DOK5: variants seen among roughly 807,000 people sequenced by gnomAD.
DOK5 encodes the protein downstream of tyrosine kinase 5.
A neutral mutation model predicts 43.3 loss-of-function variants in DOK5; 27 were observed. The ratio of observed to expected loss-of-function variants is 0.62; its 90% CI spans 0.46 to 0.86. The LOEUF (loss-of-function observed/expected upper bound fraction) is 0.86, where lower values mean the gene tolerates loss of function less well. Ranked by LOEUF, DOK5 falls within the 40% of genes least tolerant of loss-of-function variation. The pLI is 0.00. For synonymous variants in DOK5, 146 were observed against 140.1 expected, an observed-to-expected ratio of 1.04 and a Z score of -0.30; for missense variants, 373 against 392.9, an observed-to-expected ratio of 0.95 and a Z score of 0.43.
chr20:54,502,009 G>A (rs1982627696), intron 1 of DOK5, among the ~76,000 whole-genome samples: 1 of 152,120 alleles, frequency 6.6e-6, no homozygotes, highest in Non-Finnish European at 1.5e-5. Context: ...TCAATTATAT[G>A]CCATTGATAA....
At chr20:54,573,407 G>T (rs959014684) in intron 2 of DOK5, among the ~76,000 whole-genome samples, 1 of 152,110 alleles carries the variant, frequency 6.6e-6, no homozygotes, top group African/African-American at 2.4e-5. Flanking sequence ...ATAAAGTTAG[G>T]CGAGGCGCGG....
At chr20:54,566,880 G>A (rs1016913358) in intron 2 of DOK5, among the ~76,000 whole-genome samples, 2 of 152,114 alleles carry the variant, frequency 1.3e-5, no homozygotes, top group Non-Finnish European at 2.9e-5. Context: ...GCCTCCCGAA[G>A]CACTGGGATT....
intron 6 of DOK5, among the ~76,000 whole-genome samples, chr20:54,617,163 G>T (rs1044453085): frequency 6.6e-6 from 1 of 152,136 alleles, no homozygotes; most frequent in Non-Finnish European, 1.5e-5. Flanking sequence ...GAGGGCTACA[G>T]TTTCTTGCTG....
chr20:54,491,000 T>A (rs1982151527), intron 1 of DOK5, among the ~76,000 whole-genome samples: 2 of 152,232 alleles, frequency 1.3e-5, no homozygotes, highest in African/African-American at 4.8e-5. Flanking sequence ...GTCAGTAACG[T>A]TCTTCCATGG....
chr20:54,566,860 T>C (rs1985117569), intron 2 of DOK5, among the ~76,000 whole-genome samples: 1 of 152,258 alleles, frequency 6.6e-6, no homozygotes, highest in Non-Finnish European at 1.5e-5. Flanking sequence ...CAAGGGATCC[T>C]CCCTCCTCAG....
At chr20:54,624,208 C>T (rs1170220658) in intron 6 of DOK5, among the ~76,000 whole-genome samples, 1 of 152,168 alleles carries the variant, frequency 6.6e-6, no homozygotes, top group African/African-American at 2.4e-5. Flanking sequence ...ATGGTGTAGG[C>T]GATTCTGCCC....
intron 1 of DOK5, among the ~76,000 whole-genome samples, chr20:54,553,896 CAAA>C (rs761243905): frequency 1.7e-4 from 14 of 80,160 alleles, no homozygotes; most frequent in Admixed American, 4.2e-4. Context: ...GACTCTGTCT[CAAA>C]AAAAAAAAAA....
chr20:54,543,112 A>G (rs1984220076), intron 1 of DOK5, among the ~76,000 whole-genome samples: 1 of 152,242 alleles, frequency 6.6e-6, no homozygotes, highest in South Asian at 2.1e-4. Context: ...GAATTGTGTT[A>G]AAAGATAATT....
chr20:54,630,741 A>T (rs16999872), intron 6 of DOK5, among the ~76,000 whole-genome samples: 43,383 of 152,182 alleles, frequency 0.29, 6,954 homozygotes, highest in African/African-American at 0.4. Context: ...TGAAGGTAAG[A>T]CTTCTCTGTG....
At chr20:54,561,708 T>G (rs1192701004) in intron 2 of DOK5, among the ~76,000 whole-genome samples, 1 of 152,216 alleles carries the variant, frequency 6.6e-6, no homozygotes, top group South Asian at 2.1e-4. Flanking sequence ...CAGGCTGGAG[T>G]GCAATGGTGC....
chr20:54,620,762 G>A (rs76261299), intron 6 of DOK5, among the ~76,000 whole-genome samples: 564 of 152,154 alleles, frequency 3.7e-3, no homozygotes, highest in African/African-American at 0.013. Context: ...AAATGTTCAC[G>A]GGAGGACTCC....
intron 1 of DOK5, among the ~76,000 whole-genome samples, chr20:54,487,827 C>T (rs1982000667): frequency 1.3e-5 from 2 of 152,048 alleles, no homozygotes; most frequent in Admixed American, 1.3e-4. Context: ...CTTATTTTTT[C>T]TTCCCTTCAT....
chr20:54,481,910 A>G (rs1215809442), intron 1 of DOK5, among the ~76,000 whole-genome samples: 1 of 152,216 alleles, frequency 6.6e-6, no homozygotes, highest in Non-Finnish European at 1.5e-5. Flanking sequence ...AGTGCTTGAC[A>G]CAGTAAAAAC....
rs572834795 is a variant in DOK5 at position 54,599,900 on chromosome 20, A to C, written c.599+8095A>C. ...CAACATACAACTTACTCAACAGAAG[A>C]GAGAGATATAGACAATGATGAACAT... On this transcript the variant is annotated intron_variant, in intron 5 of 7. Transcript: ENST00000262593. Among the ~76,000 whole-genome samples the C allele has an allele frequency of 4.1e-4, 62 of 152,342 alleles. 1 individual carries two copies. The South Asian group carries it at 0.013, about 32-fold the overall frequency.
At chr20:54,504,396 G>A (rs896740504) in intron 1 of DOK5, among the ~76,000 whole-genome samples, 1 of 152,242 alleles carries the variant, frequency 6.6e-6, no homozygotes, top group African/African-American at 2.4e-5. Flanking sequence ...ATTGTTCAAT[G>A]AAGGCACTGA....
At chr20:54,650,198 TGG>T (rs1429310636) in intron 7 of DOK5, among the ~76,000 whole-genome samples, 1 of 152,214 alleles carries the variant, frequency 6.6e-6, no homozygotes, top group Non-Finnish European at 1.5e-5. Context: ...TAATTGCTAA[TGG>T]ACTGACCATG....
chr20:54,637,103 C>T (rs1229316567), intron 6 of DOK5, among the ~76,000 whole-genome samples: 1 of 152,184 alleles, frequency 6.6e-6, no homozygotes, highest in Non-Finnish European at 1.5e-5. Context: ...AGAAAAGAGA[C>T]CTGTAAGCCC....
rs59069357 is a variant in DOK5, at chr20:54,574,727, T to C, written c.175-13756T>C. 2.2e-3 allele frequency among the ~76,000 whole-genome samples: 337 copies of C among 152,224 alleles called. No homozygotes were observed. In the Middle Eastern group the frequency reaches 0.024, roughly 11 times the overall value. ...ATGTTTATCTTGAACCTGGCAATCA[T>C]AGACATGTGGGCTTAGGAGGACAAA... On this transcript the variant is annotated intron_variant, in intron 2 of 7. Transcript: ENST00000262593.
intron 1 of DOK5, among the ~76,000 whole-genome samples, chr20:54,481,850 G>C (rs938192497): frequency 6.6e-6 from 1 of 152,154 alleles, no homozygotes; most frequent in Non-Finnish European, 1.5e-5. Flanking sequence ...TAAAAATATG[G>C]AGACTCTTAC....
Sources: gnomAD v4.1 joint callset for allele counts (sites outside exome capture counted in the v4.1 genomes callset) on GRCh38, gnomAD v4.1.1 for gene constraint, MANE v1.5 for transcripts, NCBI Gene and HGNC (gene_info 2026-07-23, HGNC 2026-07-21) for gene names.